The following NLGN1 variants were observed in gnomAD, a reference collection of about 807,000 sequenced individuals.
NLGN1 encodes the protein neuroligin-1.
Under a neutral mutation model 65.5 loss-of-function variants are expected in NLGN1, and 12 were observed. The observed-to-expected ratio is 0.18, with a 90% CI of 0.12 to 0.30. The LOEUF is 0.30. Ranked by LOEUF, NLGN1 falls within the 10% of genes least tolerant of loss-of-function variation. NLGN1 has a pLI of 1.00. For missense variants in NLGN1, 750 were observed against 1,007.1 expected, an observed-to-expected ratio of 0.74 and a Z score of 3.46; for synonymous variants, 350 against 359.5, an observed-to-expected ratio of 0.97 and a Z score of 0.30.
intron 1 of NLGN1, among the ~76,000 whole-genome samples, chr3:173,415,485 G>A (rs150278763): frequency 6.6e-6 from 1 of 152,326 alleles, no homozygotes; most frequent in African/African-American, 2.4e-5. Flanking sequence ...TGGGATTGAA[G>A]TTGGATGATG....
intron 4 of NLGN1, among the ~76,000 whole-genome samples, chr3:174,100,110 G>GA (rs566764824): frequency 2.7e-4 from 41 of 151,982 alleles, no homozygotes; most frequent in Non-Finnish European, 8.8e-5. Flanking sequence ...AAAATAAGGT[G>GA]AAAAAAACTT....
intron 4 of NLGN1, among the ~76,000 whole-genome samples, chr3:174,098,304 C>G (rs1401924149): frequency 6.6e-6 from 1 of 151,896 alleles, no homozygotes; most frequent in Non-Finnish European, 1.5e-5. Flanking sequence ...TCAGTTTGTG[C>G]AAATTTGTAA....
chr3:173,682,588 CA>C (rs755337219), intron 3 of NLGN1, among the ~76,000 whole-genome samples: 282 of 41,396 alleles, frequency 6.8e-3, no homozygotes, highest in South Asian at 0.025. Flanking sequence ...GACACTGTCT[CA>C]AAAAAAAAAA....
intron 3 of NLGN1, among the ~76,000 whole-genome samples, chr3:173,752,164 G>A (rs1420213543): frequency 6.6e-6 from 1 of 152,082 alleles, no homozygotes; most frequent in African/African-American, 2.4e-5. Context: ...TTATTGTAAT[G>A]CCAAATACCT....
At chr3:174,009,579 T>A (rs1418463196) in intron 4 of NLGN1, among the ~76,000 whole-genome samples, 2 of 152,132 alleles carry the variant, frequency 1.3e-5, no homozygotes, top group East Asian at 3.9e-4. Flanking sequence ...TGAATCCTGG[T>A]CTCTTTGACT....
chr3:173,970,647 A>G (rs1264330465), intron 4 of NLGN1, among the ~76,000 whole-genome samples: 2 of 152,184 alleles, frequency 1.3e-5, no homozygotes, highest in Admixed American at 6.6e-5. Context: ...ACAGTATAGC[A>G]TAGTGGCTAA....
chr3:174,154,102 T>C (rs1034717173), intron 4 of NLGN1, among the ~76,000 whole-genome samples: 7 of 152,068 alleles, frequency 4.6e-5, no homozygotes, highest in African/African-American at 1.7e-4. Context: ...TATTGAATTA[T>C]ATTAGGTTAT....
chr3:173,845,411 A>G lies in NLGN1; in HGVS notation c.646+37579A>G, dbSNP rs188568062. Among the ~76,000 whole-genome samples, 5 of 152,284 alleles carry G rather than the reference A, an allele frequency of 3.3e-5. No homozygotes were observed. In the East Asian group the frequency reaches 9.7e-4, roughly 29 times the overall value. On this transcript the variant is annotated intron_variant, in intron 4 of 6. Coordinates refer to ENST00000457714, the Ensembl canonical transcript of NLGN1. ...ATCTGAGTGAATGATCCTCTGTTGA[A>G]GCAAAAACAAAGACACAACATAAAC...
At chr3:173,662,689 A>C (rs1502486) in intron 3 of NLGN1, among the ~76,000 whole-genome samples, 29,398 of 151,866 alleles carry the variant, frequency 0.19, 3,047 homozygotes, top group African/African-American at 0.25. Flanking sequence ...CCTTTAACTC[A>C]TATCAGTGGT....
At chr3:173,875,253 T>G (rs1731905613) in intron 4 of NLGN1, among the ~76,000 whole-genome samples, 2 of 152,206 alleles carry the variant, frequency 1.3e-5, no homozygotes. Flanking sequence ...TTATTATTTC[T>G]ACATATGACA....
At chr3:173,710,586 A>G (rs1560214376) in intron 3 of NLGN1, among the ~76,000 whole-genome samples, 1 of 152,178 alleles carries the variant, frequency 6.6e-6, no homozygotes, top group Admixed American at 6.5e-5. Flanking sequence ...TGCAACAACC[A>G]CTGAATGCCC....
intron 4 of NLGN1, among the ~76,000 whole-genome samples, chr3:174,222,287 T>C (rs1284098558): frequency 7.5e-6 from 1 of 133,572 alleles, no homozygotes; most frequent in Non-Finnish European, 1.6e-5. Flanking sequence ...ATAGTTATAG[T>C]AAAAGCATGT....
intron 4 of NLGN1, among the ~76,000 whole-genome samples, chr3:173,964,285 A>G (rs1174701418): frequency 6.6e-6 from 1 of 152,176 alleles, no homozygotes; most frequent in East Asian, 1.9e-4. Flanking sequence ...GAAAGACAAC[A>G]CAAAGTCGTG....
rs146426871 is a variant in NLGN1 at position 173,566,613 on chromosome 3, A to G, written c.-320-37666A>G. On this transcript the variant is annotated intron_variant, in intron 2 of 6. Transcript: ENST00000457714. ...CTTAGTCTTTCTCAAGTACTTTTCCAGACTCCCTCTCTACCCTCTACCCTC... is the reference window on the plus strand; with the variant it reads ...CTTAGTCTTTCTCAAGTACTTTTCCGGACTCCCTCTCTACCCTCTACCCTC... Among the ~76,000 whole-genome samples, 182 of 152,184 alleles carry G rather than the reference A, an allele frequency of 1.2e-3. 1 individual carries two copies. The highest frequency in any genetic ancestry group is 6.8e-3 in the Middle Eastern group (2 of 294).
At chr3:173,577,884 T>C (rs963336675) in intron 2 of NLGN1, among the ~76,000 whole-genome samples, 1 of 152,118 alleles carries the variant, frequency 6.6e-6, no homozygotes. Flanking sequence ...GACAGATATA[T>C]AGACAGATAG....
intron 3 of NLGN1, among the ~76,000 whole-genome samples, chr3:173,751,554 A>T (rs1291852743): frequency 6.6e-6 from 1 of 152,046 alleles, no homozygotes; most frequent in East Asian, 1.9e-4. Flanking sequence ...TAAGTAAGTT[A>T]CCTTTGGAAG....
intron 4 of NLGN1, among the ~76,000 whole-genome samples, chr3:174,186,188 T>G (rs1349844376): frequency 2.0e-5 from 3 of 152,134 alleles, no homozygotes; most frequent in Admixed American, 6.6e-5. Flanking sequence ...CATTTATGCC[T>G]TGTGTTTGAG....
chr3:173,764,133 A>G (rs1164599263), intron 3 of NLGN1, among the ~76,000 whole-genome samples: 2 of 152,172 alleles, frequency 1.3e-5, no homozygotes, highest in African/African-American at 4.8e-5. Context: ...AAACAACAAA[A>G]GCTCTGTACA....
chr3:174,138,669 C>T (rs942918866), intron 4 of NLGN1, among the ~76,000 whole-genome samples: 2 of 151,974 alleles, frequency 1.3e-5, no homozygotes, highest in African/African-American at 4.8e-5. Context: ...CTCCTGACCT[C>T]GTGATCCGCC....
Sources: gnomAD v4.1 joint callset for allele counts (sites outside exome capture counted in the v4.1 genomes callset) on GRCh38, gnomAD v4.1.1 for gene constraint, MANE v1.5 for transcripts, NCBI Gene and HGNC (gene_info 2026-07-23, HGNC 2026-07-21) for gene names.